The following USP4 variants were observed in gnomAD, a reference collection of about 807,000 sequenced individuals.
USP4 encodes ubiquitin specific peptidase 4.
Under a neutral mutation model 118.2 loss-of-function variants are expected in USP4, and 72 were observed. The observed-to-expected ratio is 0.61, with a 90% CI of 0.50 to 0.74. The LOEUF is 0.74. USP4 is among the 30% of genes least tolerant of loss of function. The pLI is 0.00. For synonymous variants in USP4, 415 were observed against 440.4 expected (o/e 0.94, Z 0.72); for missense variants, 1,037 against 1,185.7 (o/e 0.87, Z 1.84).
chr3:49,332,572 G>A (rs920559879), intron 2 of USP4, among the ~76,000 whole-genome samples: 1 of 152,098 alleles, frequency 6.6e-6, no homozygotes, highest in Non-Finnish European at 1.5e-5. Flanking sequence ...GTTTAGGCCA[G>A]GCACAGTAGC....
chr3:49,321,414 C>A (rs1221457395), intron 6 of USP4, among the ~76,000 whole-genome samples: 1 of 152,124 alleles, frequency 6.6e-6, no homozygotes, highest in East Asian at 1.9e-4. Flanking sequence ...TGGAATTACC[C>A]AGAATTTATC....
chr3:49,337,486 G>A (rs1333631658), intron 1 of USP4, among the ~76,000 whole-genome samples: 1 of 152,132 alleles, frequency 6.6e-6, no homozygotes, highest in African/African-American at 2.4e-5. Context: ...CTAGAGTGCA[G>A]TGGCACAATC....
chr3:49,316,736 C>T, intron 6 of USP4: 1 of 355,828 alleles, frequency 2.8e-6, no homozygotes, highest in Non-Finnish European at 5.2e-6. Flanking sequence ...TGAAGGAGAA[C>T]CCCTGCCCCC....
At chr3:49,323,891 C>A (rs114052861) in intron 6 of USP4, among the ~76,000 whole-genome samples, 1,600 of 152,282 alleles carry the variant, frequency 0.011, 26 homozygotes, top group African/African-American at 0.037. Flanking sequence ...ACAGATGTGT[C>A]CTTAGTCCAA....
chr3:49,285,053 G>C (rs2047078772), intron 16 of USP4, 134 bp from the exon 17 acceptor site: 3 of 692,820 alleles, frequency 4.3e-6, no homozygotes, highest in East Asian at 5.4e-5. Flanking sequence ...CCAGTGTCAA[G>C]AGCAATGCTC....
chr3:49,283,776 C>G (rs1228901432), intron 19 of USP4, among the ~76,000 whole-genome samples: 1 of 152,148 alleles, frequency 6.6e-6, no homozygotes, highest in Non-Finnish European at 1.5e-5. Flanking sequence ...CAGCCTGTGT[C>G]TGGGCAAATG....
At chr3:49,291,915 G>A (rs1205238839) in intron 15 of USP4, among the ~76,000 whole-genome samples, 1 of 151,744 alleles carries the variant, frequency 6.6e-6, no homozygotes, top group African/African-American at 2.4e-5. Flanking sequence ...CCGGGTTCAC[G>A]CCATTCTCCT....
Position 49,331,030 on chromosome 3 carries a change from A to G in USP4, c.230-3214T>C, listed in dbSNP as rs191114774. ...AAGACTCCGTCTCAAAAAAAAAAAA[A>G]ATATTGGGAGGCCGGGCGTGGTGGC... On this transcript the variant is annotated intron_variant, in intron 2 of 21. Transcript: ENST00000265560. Among the ~76,000 whole-genome samples the G allele has an allele frequency of 2.3e-3, 327 of 140,170 alleles. 2 individuals are homozygous for G. The highest frequency in any genetic ancestry group is 0.019 in the East Asian group (83 of 4,398). The allele number at this position is 140,170 out of a possible 152,430, so 92.0% of individuals were successfully genotyped here.
chr3:49,314,940 GACA>G (rs2047420077), intron 6 of USP4, among the ~76,000 whole-genome samples: 2 of 152,022 alleles, frequency 1.3e-5, no homozygotes, highest in African/African-American at 2.4e-5. Context: ...TTCTTAAACA[GACA>G]ACATTTCAGG....
At chr3:49,306,138 G>A (rs2047313360) in intron 8 of USP4, among the ~76,000 whole-genome samples, 1 of 150,624 alleles carries the variant, frequency 6.6e-6, no homozygotes, top group East Asian at 1.9e-4. Context: ...CTTTGTCTCT[G>A]AAAAAAACTA....
chr3:49,292,547 C>T lies in USP4; in HGVS notation c.1935G>A (p.Glu645=). ...TCCTGGAGCCATTGCAGGCCCCTGG[C>T]TCCAAGGGTGAGCTGCCAAACTCAT... is the stretch of plus-strand genomic sequence containing the variant. ...LPDEFGSSPL[E]PGACNGSRNS... The change falls in exon 15 of 22, where the codon GAG becomes GAA. Residue 645 remains glutamate (E), a synonymous_variant. Coordinates refer to ENST00000265560, the MANE Select transcript of USP4 (RefSeq NM_003363.4). 1 of 1,601,120 alleles carries T rather than the reference C, an allele frequency of 6.2e-7. No individual in the cohort carries two copies. Among genetic ancestry groups the T allele is most frequent in the African/African-American group, 1.3e-5 (1 of 74,514 alleles).
chr3:49,315,822 A>T (rs1181472559), intron 6 of USP4, among the ~76,000 whole-genome samples: 1 of 152,182 alleles, frequency 6.6e-6, no homozygotes, highest in Non-Finnish European at 1.5e-5. Flanking sequence ...GGCAAAGCCC[A>T]TCCCTGCCCT....
In USP4 at chr3:49,294,500, G is replaced by A. The variant is rs778308782; in HGVS notation, c.1790C>T (p.Ala597Val). 6 of 1,614,210 alleles carry A rather than the reference G, an allele frequency of 3.7e-6. No homozygotes were observed. Among genetic ancestry groups the A allele is most frequent in the South Asian group, 1.1e-5 (1 of 91,082 alleles). ...RKSRPSSTSS[A>V]SALYGQPLLL... ...TAGTGGCTGCCCATATAGCGCTGAT[G>A]CGGAGGAAGTGCTTGATGGCCTGGA... is the stretch of plus-strand genomic sequence containing the variant. Residue 597 changes from alanine to valine, a missense_variant, in exon 14 of 22, where the codon GCA becomes GTA. Around this residue, in one of 3 missense-constraint regions of USP4, gnomAD observed 522 missense variants for 592.6 expected, o/e 0.88. Coordinates refer to ENST00000265560, the MANE Select transcript of USP4 (RefSeq NM_003363.4).
Position 49,325,708 on chromosome 3 carries a change from C to T in USP4, c.487+11G>A. Reference sequence around the variant, plus strand: ...TCACCACATACCAGGGACCCCAGCCCAGCCTCTCACCAATGGTGTCTGCCT... The same window carrying T: ...TCACCACATACCAGGGACCCCAGCCTAGCCTCTCACCAATGGTGTCTGCCT... On this transcript the variant is annotated intron_variant, in intron 4 of 21. Coordinates refer to ENST00000265560, the MANE Select transcript of USP4 (RefSeq NM_003363.4). The T allele has an allele frequency of 1.2e-6, 2 of 1,612,918 alleles. No homozygotes were observed. Among genetic ancestry groups the T allele is most frequent in the Non-Finnish European group, 1.7e-6 (2 of 1,179,462 alleles).
chr3:49,306,269 C>T (rs2047316581), intron 8 of USP4, among the ~76,000 whole-genome samples: 1 of 145,650 alleles, frequency 6.9e-6, no homozygotes, highest in African/African-American at 2.6e-5. Flanking sequence ...ATGGTGCGAT[C>T]TTGGCTCACT....
intron 11 of USP4, among the ~76,000 whole-genome samples, chr3:49,299,478 C>T (rs1215615900): frequency 2.6e-5 from 4 of 151,728 alleles, no homozygotes; most frequent in African/African-American, 4.8e-5. Flanking sequence ...CTGCAAGCTC[C>T]GCCTCCCGGG....
intron 15 of USP4, among the ~76,000 whole-genome samples, chr3:49,287,564 C>T (rs2047109669): frequency 6.6e-6 from 1 of 152,050 alleles, no homozygotes; most frequent in Non-Finnish European, 1.5e-5. Flanking sequence ...CCTCCGCCTC[C>T]CAGGTTCAAG....
intron 10 of USP4, 130 bp from the exon 11 acceptor site, chr3:49,300,821 C>A (rs1054249653): frequency 2.7e-5 from 21 of 774,234 alleles, no homozygotes; most frequent in Middle Eastern, 3.7e-4. Flanking sequence ...TGATCCAGGA[C>A]AAACAAGGCC....
intron 8 of USP4, among the ~76,000 whole-genome samples, chr3:49,310,206 T>C (rs561080533): frequency 6.6e-6 from 1 of 152,164 alleles, no homozygotes; most frequent in African/African-American, 2.4e-5. Flanking sequence ...ATTACAGGCG[T>C]GAGCCACTGC....
Sources: allele counts gnomAD v4.1 joint callset (sites outside exome capture counted in the v4.1 genomes callset), GRCh38; gene constraint gnomAD v4.1.1; regional missense constraint gnomAD v4.1.1; transcripts MANE v1.5; gene names NCBI Gene and HGNC (gene_info 2026-07-23, HGNC 2026-07-21).